MARK1: variants seen among roughly 807,000 people sequenced by gnomAD.
MARK1 encodes microtubule affinity regulating kinase 1.
Under a neutral mutation model 96.3 loss-of-function variants are expected in MARK1, and 40 were observed. The observed-to-expected ratio is 0.42, with a 90% CI of 0.32 to 0.54. The LOEUF (loss-of-function observed/expected upper bound fraction) is 0.54, where lower values mean the gene tolerates loss of function less well. Among genes scored for constraint, MARK1 ranks in the 20% least tolerant of loss-of-function variants. MARK1 has a pLI of 0.16. For missense variants in MARK1, 719 were observed against 984.6 expected, an observed-to-expected ratio of 0.73 and a Z score of 3.61; for synonymous variants, 317 against 341.2, an observed-to-expected ratio of 0.93 and a Z score of 0.78.
intron 1 of MARK1, among the ~76,000 whole-genome samples, chr1:220,535,777 C>T (rs1660643075): frequency 6.6e-6 from 1 of 152,232 alleles, no homozygotes; most frequent in South Asian, 2.1e-4. Context: ...CTGTCCTTTA[C>T]CCATTGTGAA....
chr1:220,557,441 C>G lies in MARK1; in HGVS notation c.52-21913C>G, dbSNP rs1662351742. Among the ~76,000 whole-genome samples the G allele has an allele frequency of 2.0e-5, 3 of 151,986 alleles. No homozygotes were observed. The South Asian group carries it at 6.2e-4, about 32-fold the overall frequency. On this transcript the variant is annotated intron_variant, in intron 1 of 17. Transcript: ENST00000366917. ...GGACCTAGTGGTATGTGCCTGTAGTCCTAGCTACTCGGGAGGCTGAGGCAT... is the reference window on the plus strand; with the variant it reads ...GGACCTAGTGGTATGTGCCTGTAGTGCTAGCTACTCGGGAGGCTGAGGCAT...
At chr1:220,534,353 A>G (rs1022541263) in intron 1 of MARK1, among the ~76,000 whole-genome samples, 3 of 152,118 alleles carry the variant, frequency 2.0e-5, no homozygotes, top group South Asian at 4.1e-4. Context: ...AGTTAACTAT[A>G]GTCACCTCAG....
intron 13 of MARK1, among the ~76,000 whole-genome samples, chr1:220,646,890 T>C (rs753078641): frequency 3.9e-5 from 6 of 152,172 alleles, no homozygotes; most frequent in Non-Finnish European, 7.3e-5. Context: ...TTATACCTTA[T>C]ACAAAAATTA....
intron 6 of MARK1, among the ~76,000 whole-genome samples, chr1:220,608,109 G>T (rs1316311086): frequency 3.3e-5 from 5 of 152,148 alleles, no homozygotes; most frequent in Non-Finnish European, 1.5e-5. Context: ...CTATTGATTG[G>T]AATAGTTTCA....
chr1:220,650,962 A>G (rs1668842831), intron 14 of MARK1, among the ~76,000 whole-genome samples: 1 of 152,214 alleles, frequency 6.6e-6, no homozygotes, highest in Non-Finnish European at 1.5e-5. Flanking sequence ...ATCTGATAGT[A>G]AATATTTTTC....
At chr1:220,590,048 AC>A in intron 3 of MARK1, among the ~76,000 whole-genome samples, 1 of 152,308 alleles carries the variant, frequency 6.6e-6, no homozygotes, top group Non-Finnish European at 1.5e-5. Context: ...TTAAAAGATC[AC>A]ATATGTATAT....
chr1:220,657,675 A>C lies in MARK1; in HGVS notation c.1989-115A>C, dbSNP rs114994609. On this transcript the variant is annotated intron_variant, in intron 16 of 17. Coordinates refer to ENST00000366917, the MANE Select transcript of MARK1 (RefSeq NM_018650.5). ...GTCTCAGACTGACTAGTAATAGAAA[A>C]CTGTCATGGTAGAAGTTTGCTCAAC... The C allele has an allele frequency of 1.6e-3, 1,045 of 650,532 alleles. 3 individuals carry two copies. Among genetic ancestry groups the C allele is most frequent in the African/African-American group, 0.014 (708 of 52,138 alleles). The allele number at this position is 650,532 out of a possible 1,614,324, so 40.3% of individuals were successfully genotyped here.
At chr1:220,652,632 AT>A (rs1341814929) in intron 15 of MARK1, among the ~76,000 whole-genome samples, 1 of 152,146 alleles carries the variant, frequency 6.6e-6, no homozygotes, top group East Asian at 1.9e-4. Flanking sequence ...CTATTTTAAG[AT>A]TTCCCAAATT....
intron 6 of MARK1, among the ~76,000 whole-genome samples, chr1:220,611,644 C>T (rs1384206191): frequency 1.3e-5 from 2 of 152,230 alleles, no homozygotes; most frequent in Non-Finnish European, 2.9e-5. Context: ...CTGGGATGAT[C>T]ATGCTGGGAG....
intron 3 of MARK1, among the ~76,000 whole-genome samples, chr1:220,589,287 A>G (rs1664836661): frequency 1.3e-5 from 2 of 152,222 alleles, no homozygotes; most frequent in East Asian, 1.9e-4. Context: ...AGCCATGTCC[A>G]GTTGGCTAGT....
At chr1:220,602,662 A>G (rs1219569061) in intron 5 of MARK1, among the ~76,000 whole-genome samples, 1 of 152,152 alleles carries the variant, frequency 6.6e-6, no homozygotes, top group African/African-American at 2.4e-5. Context: ...ATTAACTACT[A>G]TGATGAGTCA....
In MARK1 at chr1:220,655,818, C is replaced by A. The variant is rs563944030; in HGVS notation, c.1989-1972C>A. Among the ~76,000 whole-genome samples the A allele has an allele frequency of 3.9e-5, 6 of 152,222 alleles. No individual in the cohort carries two copies. In the South Asian group the frequency reaches 1.2e-3, roughly 32 times the overall value. On this transcript the variant is annotated intron_variant, in intron 16 of 17. Coordinates refer to ENST00000366917, the MANE Select transcript of MARK1 (RefSeq NM_018650.5). ...CCTTGCTCAGAATACAATTCTGTGC[C>A]CTCACTGTGGCCTGTGGGGCCTTGT...
intron 1 of MARK1, among the ~76,000 whole-genome samples, chr1:220,561,853 G>A (rs868052483): frequency 6.6e-6 from 1 of 152,090 alleles, no homozygotes. Flanking sequence ...AGAGTTTCAT[G>A]GACTTAGAAA....
Position 220,528,680 on chromosome 1 carries a change from C to A in MARK1, c.-143C>A. On this transcript the variant is annotated 5_prime_UTR_variant, in exon 1 of 18. Coordinates refer to ENST00000366917, the MANE Select transcript of MARK1 (RefSeq NM_018650.5). ...TCTTCCCTCTTTCCCCCGCCGGGGC[C>A]GCTTGTTGCACCGCCCCGCGGCCTG... 1 of 614,176 alleles carries A rather than the reference C, an allele frequency of 1.6e-6. No homozygotes were observed. The highest frequency in any genetic ancestry group is 2.6e-5 in the South Asian group (1 of 38,528). 38.0% of individuals were successfully genotyped at this position (614,176 alleles called of 1,614,324 possible).
At chr1:220,649,190 G>A (rs1235297610) in intron 13 of MARK1, among the ~76,000 whole-genome samples, 16 of 151,794 alleles carry the variant, frequency 1.1e-4, no homozygotes, top group Admixed American at 9.2e-4. Flanking sequence ...CTGCATAATC[G>A]AATCAATTTT....
At chr1:220,621,171 T>C (rs1558303966) in intron 9 of MARK1, among the ~76,000 whole-genome samples, 1 of 152,142 alleles carries the variant, frequency 6.6e-6, no homozygotes. Flanking sequence ...TGCTTTGTCA[T>C]AAGAATGCAC....
intron 1 of MARK1, among the ~76,000 whole-genome samples, chr1:220,578,854 T>A (rs1179141166): frequency 6.6e-6 from 1 of 152,178 alleles, no homozygotes; most frequent in Non-Finnish European, 1.5e-5. Flanking sequence ...CTTTATTTTA[T>A]TTTTTTGAGA....
chr1:220,602,501 A>C (rs976627837), intron 5 of MARK1, among the ~76,000 whole-genome samples: 1 of 152,196 alleles, frequency 6.6e-6, no homozygotes, highest in African/African-American at 2.4e-5. Context: ...TCATGTAAAT[A>C]CCTGGGGTAA....
intron 1 of MARK1, among the ~76,000 whole-genome samples, chr1:220,569,813 G>T (rs1024001831): frequency 5.3e-5 from 8 of 152,044 alleles, no homozygotes; most frequent in African/African-American, 1.7e-4. Context: ...GTCATTCAGA[G>T]GTCACAGTTT....
Sources: allele counts gnomAD v4.1 joint callset (sites outside exome capture counted in the v4.1 genomes callset), GRCh38; gene constraint gnomAD v4.1.1; transcripts MANE v1.5; gene names NCBI Gene and HGNC (gene_info 2026-07-23, HGNC 2026-07-21).